CAT: variants seen among roughly 807,000 people sequenced by gnomAD.
CAT encodes the protein catalase.
Under a neutral mutation model 59.0 loss-of-function variants are expected in CAT, and 43 were observed. The ratio of observed to expected loss-of-function variants is 0.73; its 90% CI spans 0.57 to 0.94. The LOEUF (loss-of-function observed/expected upper bound fraction) is 0.94, where lower values mean the gene tolerates loss of function less well. Among genes scored for constraint, CAT ranks in the 40% least tolerant of loss-of-function variants. The pLI is 0.00. For missense variants in CAT, 664 were observed against 682.9 expected (o/e 0.97, Z 0.31); for synonymous variants, 218 against 230.9 (o/e 0.94, Z 0.51).
chr11:34,453,297 C>T, intron 5 of CAT, 103 bp downstream of exon 5: 2 of 792,334 alleles, frequency 2.5e-6, no homozygotes, highest in East Asian at 4.9e-5. Context: ...TTATTGGAAT[C>T]AGCTTCCTCA....
Position 34,471,388 on chromosome 11 carries a change from G to A in CAT, c.1539G>A (p.Val513=), listed in dbSNP as rs757016932. ...EKPKNAIHTF[V]QSGSHLAARE... ...AACAGAATGCGATTCACACCTTTGT[G>A]CAGTCCGGATCTCACTTGGCGGCAA... The change falls in exon 13 of 13, where the codon GTG becomes GTA. Residue 513 remains valine, a synonymous_variant. Transcript: ENST00000241052. 13 of 1,613,830 alleles carry A rather than the reference G, an allele frequency of 8.1e-6. No homozygotes were observed.
chr11:34,453,974 C>G, intron 6 of CAT, 48 bp downstream of exon 6: 1 of 1,595,910 alleles, frequency 6.3e-7, no homozygotes, highest in African/African-American at 1.3e-5. Context: ...TACCGCATAC[C>G]TCCTTATTTT....
Position 34,471,417 on chromosome 11 carries a change from A to G in CAT, c.1568A>G (p.Glu523Gly). The G allele has an allele frequency of 1.2e-6, 2 of 1,613,930 alleles. No individual in the cohort carries two copies. The highest frequency in any genetic ancestry group is 1.1e-5 in the South Asian group (1 of 91,078). The change falls in exon 13 of 13, where the codon GAG becomes GGG. Residue 523 changes from glutamate to glycine, a missense_variant. Physicochemically the swap from Glu to Gly is moderately conservative, Grantham distance 98. Coordinates refer to ENST00000241052, the MANE Select transcript of CAT (RefSeq NM_001752.4). Reference protein sequence around the residue: ...VQSGSHLAAREKANL With the variant: ...VQSGSHLAARGKANL Reference sequence around the variant, plus strand: ...TCCGGATCTCACTTGGCGGCAAGGGAGAAGGCAAATCTGTGAGGCCGGGGC... The same window carrying G: ...TCCGGATCTCACTTGGCGGCAAGGGGGAAGGCAAATCTGTGAGGCCGGGGC...
chr11:34,456,515 C>G, intron 7 of CAT, 150 bp from the exon 8 acceptor site: 1 of 790,454 alleles, frequency 1.3e-6, no homozygotes, highest in Non-Finnish European at 2.2e-6. Flanking sequence ...AAAGATTTAA[C>G]TAAGGCACTC....
At chr11:34,446,448 A>T (rs915458479) in intron 1 of CAT, among the ~76,000 whole-genome samples, 2 of 152,186 alleles carry the variant, frequency 1.3e-5, no homozygotes, top group Non-Finnish European at 2.9e-5. Context: ...TAATTCCAGC[A>T]TTCCCACTCT....
intron 10 of CAT, among the ~76,000 whole-genome samples, chr11:34,466,814 T>C (rs1239732518): frequency 7.0e-6 from 1 of 142,346 alleles, no homozygotes; most frequent in Non-Finnish European, 1.5e-5. Context: ...AGAAAATAGA[T>C]GACTGCTTGA....
At chr11:34,463,105 A>C (rs1856669394) in intron 9 of CAT, among the ~76,000 whole-genome samples, 1 of 152,146 alleles carries the variant, frequency 6.6e-6, no homozygotes, top group African/African-American at 2.4e-5. Flanking sequence ...AGCTGGCTAA[A>C]ATTCCAACCC....
intron 10 of CAT, 94 bp downstream of exon 10, chr11:34,464,329 C>G (rs545807969): frequency 3.6e-5 from 44 of 1,219,250 alleles, no homozygotes; most frequent in Admixed American, 3.0e-4. Flanking sequence ...CCCCAACTGT[C>G]TGATGTATCT....
intron 6 of CAT, 129 bp from the exon 7 acceptor site, chr11:34,455,882 A>G: frequency 1.4e-6 from 1 of 720,886 alleles, no homozygotes; most frequent in Non-Finnish European, 2.4e-6. Context: ...TTTGAACAAT[A>G]GAAGTATTGT....
chr11:34,463,003 T>C lies in CAT; in HGVS notation c.1196-1102T>C, dbSNP rs181257444. ...TGGGCTCTATAATAGTATGGTGTTC[T>C]TCCTTCCCCTACACACACACTTGGT... On this transcript the variant is annotated intron_variant, in intron 9 of 12. Transcript: ENST00000241052. Among the ~76,000 whole-genome samples, 88 of 152,334 alleles carry C rather than the reference T, an allele frequency of 5.8e-4. 2 individuals are homozygous for C. Among genetic ancestry groups the C allele is most frequent in the African/African-American group, 1.9e-3 (78 of 41,572 alleles).
At chr11:34,463,769 A>C (rs890717404) in intron 9 of CAT, among the ~76,000 whole-genome samples, 1 of 152,192 alleles carries the variant, frequency 6.6e-6, no homozygotes, top group Non-Finnish European at 1.5e-5. Context: ...ATGGTGGCCA[A>C]ATCAAGCCTG....
At chr11:34,457,204 C>CTTTTTTTTTTTTTT (rs899442681) in intron 8 of CAT, among the ~76,000 whole-genome samples, 4 of 66,172 alleles carry the variant, frequency 6.0e-5, no homozygotes, top group East Asian at 5.6e-4. Context: ...TTTTCTTGTT[C>CTTTTTTTTTTTTTT]TTTTTTTTTT....
chr11:34,459,216 A>AT (rs771922830), intron 8 of CAT, among the ~76,000 whole-genome samples: 3 of 151,980 alleles, frequency 2.0e-5, no homozygotes, highest in Non-Finnish European at 4.4e-5. Flanking sequence ...ATGATTTGAG[A>AT]TTTTTTGAGT....
intron 1 of CAT, among the ~76,000 whole-genome samples, chr11:34,447,140 C>T (rs983902339): frequency 2.6e-5 from 4 of 152,172 alleles, no homozygotes; most frequent in Non-Finnish European, 5.9e-5. Flanking sequence ...TGCTCTGGCT[C>T]TCTAATTATT....
intron 7 of CAT, 43 bp downstream of exon 7, chr11:34,456,245 TTCTTACCTAA>T: frequency 6.8e-7 from 1 of 1,469,872 alleles, no homozygotes; most frequent in Non-Finnish European, 9.5e-7. Context: ...TTTAAGTCTC[TTCTTACCTAA>T]TTAGAAAAAA....
chr11:34,452,547 G>A (rs181940934), intron 4 of CAT, among the ~76,000 whole-genome samples: 3 of 152,162 alleles, frequency 2.0e-5, no homozygotes, highest in East Asian at 3.9e-4. Context: ...GTGTGTGTGC[G>A]TGCGCGCATG....
At chr11:34,464,982 C>A (rs1856697485) in intron 10 of CAT, among the ~76,000 whole-genome samples, 1 of 152,162 alleles carries the variant, frequency 6.6e-6, no homozygotes, top group African/African-American at 2.4e-5. Context: ...AGTTAACCGC[C>A]CCAGGGCAAA....
chr11:34,451,127 T>C (rs770292825), intron 3 of CAT, 29 bp downstream of exon 3: 8 of 1,274,160 alleles, frequency 6.3e-6, no homozygotes, highest in Non-Finnish European at 9.2e-6. Flanking sequence ...GTGATTGGTA[T>C]GGCTTAACTC....
intron 4 of CAT, among the ~76,000 whole-genome samples, chr11:34,452,853 TA>T (rs532166250): frequency 0.01 from 1,414 of 136,982 alleles, 11 homozygotes; most frequent in African/African-American, 0.021. Context: ...GACCCTGTCT[TA>T]AAAAAAAAAA....
Sources: gnomAD v4.1 joint callset for allele counts (sites outside exome capture counted in the v4.1 genomes callset) on GRCh38, gnomAD v4.1.1 for gene constraint, MANE v1.5 for transcripts, NCBI Gene and HGNC (gene_info 2026-07-23, HGNC 2026-07-21) for gene names.